The following CD99L2 variants were observed in gnomAD, a reference collection of about 807,000 sequenced individuals.
CD99L2 encodes the protein CD99 antigen-like protein 2.
CD99L2 carries 24 observed loss-of-function variants against 27.3 expected under a neutral mutation model. The ratio of observed to expected loss-of-function variants is 0.88; its 90% CI spans 0.64 to 1.24. The LOEUF is 1.24. CD99L2 is among the 50% of genes most tolerant of loss of function. CD99L2 has a pLI of 0.00. For missense variants in CD99L2, 255 were observed against 221.6 expected (o/e 1.15, Z -0.96); for synonymous variants, 97 against 87.9 (o/e 1.10, Z -0.58).
Position 150,898,524 on chromosome X carries a change from C to T in CD99L2, c.65G>A (p.Arg22Gln). The change falls in exon 1 of 11, where the codon CGA becomes CAA. Residue 22 changes from arginine (R) to glutamine (Q), a missense_variant and splice_region_variant. By Grantham distance (43) the Arg-to-Gln change is conservative. Coordinates refer to ENST00000370377, the MANE Select transcript of CD99L2 (RefSeq NM_031462.4). ...CGCGCGCCCCCCGCCCGCCTTACCT[C>T]GCTGGACCAGGGTGGCCAAGGAGAA... is the stretch of plus-strand genomic sequence containing the variant. ...LAFSLATLVQRGSGDFDDFNL... is the reference protein window; with the variant it reads ...LAFSLATLVQQGSGDFDDFNL... The T allele has an allele frequency of 1.8e-6, 2 of 1,110,249 alleles. No homozygotes were observed. The highest frequency in any genetic ancestry group is 4.2e-5 in the South Asian group (2 of 47,938). 91.5% of individuals were successfully genotyped at this position (1,110,249 alleles called of 1,213,427 possible).
At position 150,766,702 on chromosome X, in the gene CD99L2, C is replaced by A. The variant is rs953609511; in HGVS notation, c.*2332G>T. ...CTCGCTTGGGACAGGCCCATGCTGG[C>A]CAGTGCAACCTTCAGATAGACACAT... On this transcript the variant is annotated 3_prime_UTR_variant, in exon 11 of 11. Transcript: ENST00000370377. 8.9e-6 allele frequency: 1 copy of A among 112,535 alleles called. No individual in the cohort carries two copies. The highest frequency in any genetic ancestry group is 9.4e-5 in the Admixed American group (1 of 10,671). The allele number at this position is 112,535 out of a possible 1,213,427, so 9.3% of individuals were successfully genotyped here.
intron 1 of CD99L2, among the ~76,000 whole-genome samples, chrX:150,881,106 G>A (rs958072410): frequency 1.4e-4 from 15 of 111,086 alleles, no homozygotes; most frequent in African/African-American, 4.9e-4. Flanking sequence ...CTGTGGCTGG[G>A]TTCTCTCTTC....
At position 150,796,186 on chromosome X, in the gene CD99L2, C is replaced by T. The variant is rs782105214; in HGVS notation, c.278-700G>A. On this transcript the variant is annotated intron_variant, in intron 4 of 10. Coordinates refer to ENST00000370377, the MANE Select transcript of CD99L2 (RefSeq NM_031462.4). Reference sequence around the variant, plus strand: ...CAGCAAGCACCTGGGAGAGAAACAGCGATGTATCTGGGGAAAAAACCTAAA... The same window carrying T: ...CAGCAAGCACCTGGGAGAGAAACAGTGATGTATCTGGGGAAAAAACCTAAA... 1.7e-4 allele frequency among the ~76,000 whole-genome samples: 19 copies of T among 112,047 alleles called. No homozygotes were observed. In the East Asian group the frequency reaches 5.3e-3, roughly 31 times the overall value.
At chrX:150,889,291 C>T (rs1284343369) in intron 1 of CD99L2, among the ~76,000 whole-genome samples, 3 of 112,422 alleles carry the variant, frequency 2.7e-5, no homozygotes, top group Non-Finnish European at 3.8e-5. Context: ...GGCCACTGAC[C>T]GGTATGAGCT....
intron 1 of CD99L2, among the ~76,000 whole-genome samples, chrX:150,844,583 A>G (rs1192121973): frequency 8.9e-6 from 1 of 112,163 alleles, no homozygotes; most frequent in Admixed American, 9.5e-5. Context: ...TTATGCTTTC[A>G]CACCTCAAAG....
rs782781964 is a variant in CD99L2 at position 150,791,823 on chromosome X, A to G, written c.496+1868T>C. On this transcript the variant is annotated intron_variant, in intron 7 of 10. Coordinates refer to ENST00000370377, the MANE Select transcript of CD99L2 (RefSeq NM_031462.4). ...ACAAAAGACTGTCATCGTTACCTAT[A>G]GGCAAAATGTGGGGCTTCTACAGGG... Among the ~76,000 whole-genome samples, 4 of 111,551 alleles carry G rather than the reference A, an allele frequency of 3.6e-5. No individual in the cohort carries two copies. In the East Asian group the frequency reaches 1.1e-3, roughly 31 times the overall value.
At chrX:150,849,179 G>A (rs1384428230) in intron 1 of CD99L2, among the ~76,000 whole-genome samples, 1 of 111,749 alleles carries the variant, frequency 8.9e-6, no homozygotes, top group Non-Finnish European at 1.9e-5. Flanking sequence ...TACACAGTTA[G>A]GCGATGAAGC....
intron 4 of CD99L2, among the ~76,000 whole-genome samples, chrX:150,796,104 G>A (rs1229323463): frequency 1.8e-5 from 2 of 112,340 alleles, no homozygotes; most frequent in Non-Finnish European, 3.8e-5. Context: ...AGACTGTGCT[G>A]TAACTGTTCC....
chrX:150,774,205 CTGTCAGTCAGTTCTAACTT>C (rs1440993121), intron 9 of CD99L2, among the ~76,000 whole-genome samples: 1 of 112,093 alleles, frequency 8.9e-6, no homozygotes, highest in African/African-American at 3.2e-5. Context: ...AAAGATTTTT[CTGTCAGTCAGTTCTAACTT>C]TGTCCTACAG....
rs2043347165 is a variant in CD99L2 at position 150,768,412 on chromosome X, C to G, written c.*622G>C. ...TGTTTGTACTTAAATCACTGAAAGCCTCCGCTTGGACCGGCTCTCCGGAAG... is the reference window on the plus strand; with the variant it reads ...TGTTTGTACTTAAATCACTGAAAGCGTCCGCTTGGACCGGCTCTCCGGAAG... On this transcript the variant is annotated 3_prime_UTR_variant, in exon 11 of 11. Coordinates refer to ENST00000370377, the MANE Select transcript of CD99L2 (RefSeq NM_031462.4). The G allele has an allele frequency of 8.9e-6, 1 of 112,989 alleles. No homozygotes were observed. Among genetic ancestry groups the G allele is most frequent in the African/African-American group, 3.2e-5 (1 of 31,061 alleles). The allele number at this position is 112,989 out of a possible 1,213,427, so 9.3% of individuals were successfully genotyped here.
intron 4 of CD99L2, among the ~76,000 whole-genome samples, chrX:150,802,128 A>G (rs2045917581): frequency 8.9e-6 from 1 of 112,307 alleles, no homozygotes; most frequent in South Asian, 3.7e-4. Flanking sequence ...GATCATGTAC[A>G]TAGAAAATTC....
intron 1 of CD99L2, among the ~76,000 whole-genome samples, chrX:150,841,644 C>T (rs868966994): frequency 2.7e-5 from 3 of 111,362 alleles, no homozygotes; most frequent in African/African-American, 9.8e-5. Context: ...GCCATTCCCC[C>T]TACTGCTTGC....
intron 1 of CD99L2, among the ~76,000 whole-genome samples, chrX:150,850,869 G>C (rs902516923): frequency 9.1e-6 from 1 of 109,634 alleles, no homozygotes; most frequent in Non-Finnish European, 1.9e-5. Context: ...ATGAAGTCTC[G>C]CTCTGTCACC....
intron 4 of CD99L2, among the ~76,000 whole-genome samples, chrX:150,810,484 G>A (rs781911515): frequency 9.0e-6 from 1 of 111,251 alleles, no homozygotes; most frequent in Non-Finnish European, 1.9e-5. Context: ...AAGGCCTATA[G>A]TAAAAAAGGA....
chrX:150,766,409 C>CAGAT lies in CD99L2; in HGVS notation c.*2621_*2624dup, dbSNP rs2043312968. ...TCACACCTGGACACAAGCACGTGAA[C>CAGAT]AGATGTACAGGGAATTCTGGAATTT... On this transcript the variant is annotated 3_prime_UTR_variant, in exon 11 of 11. Transcript: ENST00000370377. The CAGAT allele has an allele frequency of 9.0e-6, 1 of 110,962 alleles. No individual in the cohort carries two copies. The highest frequency in any genetic ancestry group is 3.3e-5 in the African/African-American group (1 of 30,382). 9.1% of individuals were successfully genotyped at this position (110,962 alleles called of 1,213,427 possible).
intron 4 of CD99L2, among the ~76,000 whole-genome samples, chrX:150,800,639 A>G (rs2045890032): frequency 9.0e-6 from 1 of 111,412 alleles, no homozygotes; most frequent in South Asian, 3.8e-4. Context: ...ACCAATGCCC[A>G]GCAAATACTA....
chrX:150,865,518 G>A (rs1205169566), intron 1 of CD99L2, among the ~76,000 whole-genome samples: 1 of 111,577 alleles, frequency 9.0e-6, no homozygotes, highest in Non-Finnish European at 1.9e-5. Context: ...AATAAATAAT[G>A]TTTAAAATAA....
intron 1 of CD99L2, among the ~76,000 whole-genome samples, chrX:150,894,796 C>G (rs182775176): frequency 1.8e-5 from 2 of 110,463 alleles, no homozygotes; most frequent in African/African-American, 6.6e-5. Context: ...GTTATGTTAC[C>G]CAGGCTGGTC....
At chrX:150,862,850 G>C (rs938052108) in intron 1 of CD99L2, among the ~76,000 whole-genome samples, 1 of 104,869 alleles carries the variant, frequency 9.5e-6, no homozygotes, top group South Asian at 4.5e-4. Context: ...GAGAGAGAGA[G>C]AGAGACAGAG....
Sources: gnomAD v4.1 joint callset for allele counts (sites outside exome capture counted in the v4.1 genomes callset) on GRCh38, gnomAD v4.1.1 for gene constraint, MANE v1.5 for transcripts, NCBI Gene and HGNC (gene_info 2026-07-23, HGNC 2026-07-21) for gene names.